Variants in TPD52 observed in about 807,000 individuals in gnomAD.
TPD52 encodes the protein prostate and colon associated protein.
TPD52 carries 17 observed loss-of-function variants against 31.3 expected under a neutral mutation model. That is an observed-to-expected ratio of 0.54 (90% confidence interval 0.37 to 0.82). The LOEUF is 0.82. TPD52 is among the 40% of genes least tolerant of loss of function. The pLI is 0.00. For synonymous variants in TPD52, 83 were observed against 89.6 expected (o/e 0.93, Z 0.42); for missense variants, 212 against 240.1 (o/e 0.88, Z 0.77).
chr8:80,080,835 G>A (rs1425775562), intron 1 of TPD52: 20 of 837,984 alleles, frequency 2.4e-5, no homozygotes, highest in Non-Finnish European at 2.9e-5. Context: ...GACACTGGCT[G>A]ACTTACAACA....
In TPD52 at chr8:80,044,296, AG is replaced by A. The variant is rs140890879; in HGVS notation, c.414-89del. ...AAAAGCTGACAAAACTTAGCTCCCCAGGAGCTTTATTCTCTTGGCGCCATGA... is the reference window on the plus strand; with the variant it reads ...AAAAGCTGACAAAACTTAGCTCCCCAGAGCTTTATTCTCTTGGCGCCATGA... On this transcript the variant is annotated intron_variant, in intron 5 of 7. Coordinates refer to ENST00000518937, the MANE Select transcript of TPD52 (RefSeq NM_001025253.3). 1.2e-4 allele frequency: 122 copies of A among 1,044,832 alleles called. No individual in the cohort carries two copies. In the East Asian group the frequency reaches 2.6e-3, roughly 22 times the overall value. The allele number at this position is 1,044,832 out of a possible 1,614,324, so 64.7% of individuals were successfully genotyped here.
chr8:80,168,581 T>C (rs1339107037), intron 1 of TPD52, among the ~76,000 whole-genome samples: 1 of 152,252 alleles, frequency 6.6e-6, no homozygotes, highest in Non-Finnish European at 1.5e-5. Context: ...AGTTTGCTAG[T>C]GAACACCAGG....
intron 2 of TPD52, among the ~76,000 whole-genome samples, chr8:80,054,554 G>C (rs1028909749): frequency 6.6e-6 from 1 of 152,054 alleles, no homozygotes; most frequent in Non-Finnish European, 1.5e-5. Context: ...CTGGCTTGTT[G>C]CAAAGCCATA....
At chr8:80,140,982 T>TGTAGAAAGA (rs1490338650) in intron 1 of TPD52, among the ~76,000 whole-genome samples, 2 of 150,924 alleles carry the variant, frequency 1.3e-5, no homozygotes, top group Non-Finnish European at 3.0e-5. Flanking sequence ...TGTGTGTGTG[T>TGTAGAAAGA]GTAGAAAGAG....
chr8:80,068,394 G>C (rs560818463), intron 1 of TPD52, among the ~76,000 whole-genome samples: 7 of 152,328 alleles, frequency 4.6e-5, no homozygotes, highest in African/African-American at 1.7e-4. Flanking sequence ...ACAGGGCCTA[G>C]TCTTTCTCCA....
chr8:80,108,483 C>A (rs1807284377), intron 1 of TPD52, among the ~76,000 whole-genome samples: 1 of 152,100 alleles, frequency 6.6e-6, no homozygotes, highest in Non-Finnish European at 1.5e-5. Context: ...CATCTTAAGT[C>A]TTGTCATCCA....
At chr8:80,063,194 A>G (rs898680984) in intron 2 of TPD52, among the ~76,000 whole-genome samples, 1 of 152,256 alleles carries the variant, frequency 6.6e-6, no homozygotes, top group Non-Finnish European at 1.5e-5. Context: ...CAATAGATAC[A>G]TGTAATGGAA....
At chr8:80,134,315 C>T (rs189086682) in intron 1 of TPD52, among the ~76,000 whole-genome samples, 25 of 152,316 alleles carry the variant, frequency 1.6e-4, no homozygotes, top group African/African-American at 5.1e-4. Context: ...AGACATGTCC[C>T]TGGGCTCACC....
intron 5 of TPD52, among the ~76,000 whole-genome samples, chr8:80,046,462 C>A (rs562216585): frequency 2.0e-5 from 3 of 152,274 alleles, no homozygotes; most frequent in African/African-American, 7.2e-5. Context: ...TATAGGGTGG[C>A]TGTTCTTTCA....
chr8:80,136,740 A>C (rs1350011514), intron 1 of TPD52, among the ~76,000 whole-genome samples: 1 of 152,120 alleles, frequency 6.6e-6, no homozygotes, highest in East Asian at 1.9e-4. Flanking sequence ...TCCTAGGTAG[A>C]GACAAAGGCA....
chr8:80,147,220 A>C (rs1253782609), intron 1 of TPD52, among the ~76,000 whole-genome samples: 2 of 152,146 alleles, frequency 1.3e-5, no homozygotes, highest in Non-Finnish European at 2.9e-5. Context: ...TTGCTCCTGG[A>C]AGTTAAAAGT....
intron 1 of TPD52, among the ~76,000 whole-genome samples, chr8:80,088,073 C>A (rs1204595514): frequency 2.6e-5 from 4 of 152,134 alleles, no homozygotes; most frequent in African/African-American, 9.7e-5. Context: ...TGTCTTTGGG[C>A]ATAGAGCTAG....
chr8:80,090,146 C>T (rs1816143820), intron 1 of TPD52, among the ~76,000 whole-genome samples: 1 of 152,114 alleles, frequency 6.6e-6, no homozygotes, highest in Non-Finnish European at 1.5e-5. Flanking sequence ...AATCCCAGAA[C>T]TCTGGGAGGC....
intron 7 of TPD52, among the ~76,000 whole-genome samples, chr8:80,038,580 T>C (rs1405389151): frequency 6.6e-6 from 1 of 152,258 alleles, no homozygotes; most frequent in Non-Finnish European, 1.5e-5. Context: ...CATAACATTT[T>C]GTATTGCATC....
chr8:80,077,516 C>G (rs1384439083), intron 1 of TPD52, among the ~76,000 whole-genome samples: 1 of 152,054 alleles, frequency 6.6e-6, no homozygotes, highest in Admixed American at 6.5e-5. Flanking sequence ...AGAACTTAAG[C>G]CTTGAATAGT....
At chr8:80,069,563 G>A (rs1329332837) in intron 1 of TPD52, among the ~76,000 whole-genome samples, 1 of 152,108 alleles carries the variant, frequency 6.6e-6, no homozygotes, top group Non-Finnish European at 1.5e-5. Flanking sequence ...GGCAGAGACA[G>A]GCAGATCACT....
chr8:80,124,850 T>A (rs72686033), intron 1 of TPD52, among the ~76,000 whole-genome samples: 4,598 of 152,236 alleles, frequency 0.03, 105 homozygotes, highest in Non-Finnish European at 0.049. Flanking sequence ...TAGAGTATTT[T>A]AGGTTCTCAG....
chr8:80,079,881 A>T (rs2130819792), intron 1 of TPD52, among the ~76,000 whole-genome samples: 1 of 152,300 alleles, frequency 6.6e-6, no homozygotes. Flanking sequence ...ATATTCCATA[A>T]CAAAACCCAG....
intron 5 of TPD52, among the ~76,000 whole-genome samples, chr8:80,049,620 T>TAC (rs1351935439): frequency 6.6e-6 from 1 of 152,170 alleles, no homozygotes. Context: ...AGATGAAGAC[T>TAC]ACTATATCAT....
Sources: gnomAD v4.1 joint callset for allele counts (sites outside exome capture counted in the v4.1 genomes callset) on GRCh38, gnomAD v4.1.1 for gene constraint, MANE v1.5 for transcripts, NCBI Gene and HGNC (gene_info 2026-07-23, HGNC 2026-07-21) for gene names.